Variants in ABAT observed in about 807,000 individuals in gnomAD.
ABAT encodes 4-aminobutyrate aminotransferase, mitochondrial.
Under a neutral mutation model 64.6 loss-of-function variants are expected in ABAT, and 45 were observed. The observed-to-expected ratio is 0.70, with a 90% CI of 0.55 to 0.89. ABAT has a LOEUF of 0.89. ABAT is among the 40% of genes least tolerant of loss of function. ABAT has a pLI of 0.00. For missense variants in ABAT, 633 were observed against 658.4 expected, an observed-to-expected ratio of 0.96 and a Z score of 0.42; for synonymous variants, 297 against 250.5, an observed-to-expected ratio of 1.19 and a Z score of -1.75.
intron 1 of ABAT, among the ~76,000 whole-genome samples, chr16:8,703,130 A>G (rs1263702189): frequency 6.6e-6 from 1 of 151,984 alleles, no homozygotes; most frequent in Non-Finnish European, 1.5e-5. Context: ...TACAGTAATG[A>G]TATAAAAGTT....
Position 8,776,298 on chromosome 16 carries a change from G to T in ABAT, c.1123-46G>T. On this transcript the variant is annotated intron_variant, in intron 13 of 15. Transcript: ENST00000268251. This position sits in a 1 kb window ranked among gnomAD's most constrained non-coding sequence, Gnocchi z 4.4. ...CGCCTGGGGTAAGTGACTCCTGCAGGGTGTGCATGTGTGTGAAGCCTTCCA... is the reference window on the plus strand; with the variant it reads ...CGCCTGGGGTAAGTGACTCCTGCAGTGTGTGCATGTGTGTGAAGCCTTCCA... The T allele has an allele frequency of 6.2e-7, 1 of 1,613,590 alleles. No homozygotes were observed. The highest frequency in any genetic ancestry group is 1.1e-5 in the South Asian group (1 of 91,056).
chr16:8,686,451 T>C (rs1356907005), intron 1 of ABAT, among the ~76,000 whole-genome samples: 2 of 152,164 alleles, frequency 1.3e-5, no homozygotes, highest in Non-Finnish European at 2.9e-5. Context: ...CAGAGAACCC[T>C]GGACAGAGTT....
intron 1 of ABAT, among the ~76,000 whole-genome samples, chr16:8,733,759 G>A (rs1170275071): frequency 6.7e-6 from 1 of 149,218 alleles, no homozygotes; most frequent in South Asian, 2.1e-4. Context: ...GCAGTGAGCC[G>A]AGATGGCAGC....
At chr16:8,739,679 T>G (rs551878432) in intron 2 of ABAT, among the ~76,000 whole-genome samples, 26 of 152,194 alleles carry the variant, frequency 1.7e-4, no homozygotes, top group Middle Eastern at 3.4e-3. Flanking sequence ...GAAAGCACTT[T>G]ATTTGTATTT....
chr16:8,757,454 C>T (rs1462861478), intron 5 of ABAT: 3 of 394,216 alleles, frequency 7.6e-6, no homozygotes, highest in Non-Finnish European at 1.5e-5. Context: ...AGGTGTGAGC[C>T]ACCACACGTG....
intron 1 of ABAT, among the ~76,000 whole-genome samples, chr16:8,696,002 G>A (rs1195261673): frequency 6.6e-6 from 1 of 152,198 alleles, no homozygotes; most frequent in African/African-American, 2.4e-5. Context: ...ACAAGAAGGC[G>A]TCCAGCCTCC....
At chr16:8,733,575 A>G (rs1253804487) in intron 1 of ABAT, among the ~76,000 whole-genome samples, 5 of 151,918 alleles carry the variant, frequency 3.3e-5, no homozygotes, top group African/African-American at 4.9e-5. Flanking sequence ...TCCGTCTGTA[A>G]TCCCGGCACC....
intron 2 of ABAT, 163 bp downstream of exon 2, chr16:8,735,972 A>C: frequency 3.1e-6 from 2 of 648,924 alleles, no homozygotes; most frequent in Non-Finnish European, 5.4e-6. Context: ...TAATAAAGGT[A>C]CACCTGAGAC....
In ABAT at chr16:8,775,037, G is replaced by A; in HGVS notation, c.1102G>A (p.Glu368Lys). 1 of 1,614,206 alleles carries A rather than the reference G, an allele frequency of 6.2e-7. No homozygotes were observed. Among genetic ancestry groups the A allele is most frequent in the Non-Finnish European group, 8.5e-7 (1 of 1,180,046 alleles). ...GATGACTGGGGGCTTCTTCCACAAGGAGGAGTTCAGGCCTAATGCTGTGAG... is the reference window on the plus strand; with the variant it reads ...GATGACTGGGGGCTTCTTCCACAAGAAGGAGTTCAGGCCTAATGCTGTGAG... ...KMMTGGFFHK[E>K]EFRPNAPYRI... Residue 368 changes from glutamate to lysine, a missense_variant, in exon 13 of 16, where the codon GAG becomes AAG. Physicochemically the swap from Glu to Lys is moderately conservative, Grantham distance 56. Coordinates refer to ENST00000268251, the MANE Select transcript of ABAT (RefSeq NM_020686.6).
chr16:8,742,137 G>A (rs1167637042), intron 2 of ABAT, among the ~76,000 whole-genome samples: 1 of 152,160 alleles, frequency 6.6e-6, no homozygotes, highest in Admixed American at 6.5e-5. Context: ...ATAGCGCCCA[G>A]TTAGCCAGTT....
intron 4 of ABAT, among the ~76,000 whole-genome samples, 167 bp from the exon 5 acceptor site, chr16:8,750,255 C>G (rs1290191806): frequency 1.3e-5 from 2 of 152,058 alleles, no homozygotes; most frequent in African/African-American, 4.8e-5. Context: ...AGCAAACCAC[C>G]CATGCACTTA....
intron 14 of ABAT, among the ~76,000 whole-genome samples, chr16:8,779,268 G>GT (rs368009158): frequency 7.5e-6 from 1 of 133,426 alleles, no homozygotes; most frequent in Non-Finnish European, 1.7e-5. Flanking sequence ...GGTGGTGGTG[G>GT]TTTTTTTCCT....
At chr16:8,735,312 C>T (rs912320306) in intron 1 of ABAT, among the ~76,000 whole-genome samples, 13 of 151,776 alleles carry the variant, frequency 8.6e-5, no homozygotes, top group South Asian at 4.2e-4. Context: ...AGAGCAGTGG[C>T]GCGATTATGG....
At chr16:8,750,142 C>T (rs142820246) in intron 4 of ABAT, among the ~76,000 whole-genome samples, 1 of 152,320 alleles carries the variant, frequency 6.6e-6, no homozygotes, top group East Asian at 1.9e-4. Flanking sequence ...CATATCTTAA[C>T]AGAATCGACT....
chr16:8,763,953 T>C (rs1473915079), intron 6 of ABAT, 116 bp from the exon 7 acceptor site: 3 of 864,562 alleles, frequency 3.5e-6, no homozygotes, highest in Non-Finnish European at 5.9e-6. Context: ...AACGTCATCA[T>C]CCTGCAACCC....
At chr16:8,780,794 C>A in intron 15 of ABAT, 1 of 186,384 alleles carries the variant, frequency 5.4e-6, no homozygotes, top group Non-Finnish European at 1.1e-5. Flanking sequence ...CATAAACAAC[C>A]TCGACAAGGA....
chr16:8,756,589 GCTT>G (rs1296123328), intron 5 of ABAT, among the ~76,000 whole-genome samples: 1 of 152,106 alleles, frequency 6.6e-6, no homozygotes, highest in Non-Finnish European at 1.5e-5. Flanking sequence ...GAAGCAACCT[GCTT>G]CTTCTAGAGA....
intron 1 of ABAT, among the ~76,000 whole-genome samples, chr16:8,707,677 T>C (rs1247833850): frequency 6.6e-6 from 1 of 152,184 alleles, no homozygotes. Flanking sequence ...AGCCACACCG[T>C]GGAACCTAAA....
At chr16:8,695,540 G>C (rs2057683541) in intron 1 of ABAT, among the ~76,000 whole-genome samples, 1 of 152,162 alleles carries the variant, frequency 6.6e-6, no homozygotes, top group African/African-American at 2.4e-5. Flanking sequence ...CCTTATGTCA[G>C]CCTCAGCTTC....
Sources: gnomAD v4.1 joint callset for allele counts (sites outside exome capture counted in the v4.1 genomes callset) on GRCh38, gnomAD v4.1.1 for gene constraint, Gnocchi (gnomAD v3.1) non-coding constraint, MANE v1.5 for transcripts, NCBI Gene and HGNC (gene_info 2026-07-23, HGNC 2026-07-21) for gene names.